PHF2: variants seen among roughly 807,000 people sequenced by gnomAD.
PHF2 encodes PHD finger protein 2.
Under a neutral mutation model 120.5 loss-of-function variants are expected in PHF2, and 27 were observed. The ratio of observed to expected loss-of-function variants is 0.22; its 90% CI spans 0.17 to 0.31. PHF2 has a LOEUF of 0.31. Among genes scored for constraint, PHF2 ranks in the 10% least tolerant of loss-of-function variants. PHF2 has a pLI of 1.00. For missense variants in PHF2, 1,024 were observed against 1,434.8 expected (o/e 0.71, Z 4.63); for synonymous variants, 568 against 592.5 (o/e 0.96, Z 0.60).
Position 93,677,028 on chromosome 9 carries a change from G to A in PHF2, c.3202+65G>A. 2.1e-6 allele frequency: 3 copies of A among 1,442,824 alleles called. No homozygotes were observed. The South Asian group carries it at 4.4e-5, about 21-fold the overall frequency. The allele number at this position is 1,442,824 out of a possible 1,614,324, so 89.4% of individuals were successfully genotyped here. A position where few individuals can be genotyped will look rare whatever the true frequency, so the allele number is the denominator to read the frequency against. ...CTGCCTGCCCCCATGGGCAGCCCCA[G>A]ACATGCAGACTCGGCCCATGGTAGA... On this transcript the variant is annotated intron_variant, in intron 21 of 21. Coordinates refer to ENST00000359246, the MANE Select transcript of PHF2 (RefSeq NM_005392.4). The surrounding 1 kb of genome is among the most constrained non-coding windows in gnomAD (Gnocchi z 4.4).
chr9:93,598,069 T>C (rs1015504612), intron 1 of PHF2, among the ~76,000 whole-genome samples: 12 of 152,262 alleles, frequency 7.9e-5, no homozygotes, highest in African/African-American at 2.6e-4. Context: ...TTGTTCTGGC[T>C]GAATGGTCCC....
At chr9:93,655,143 G>A (rs78522617) in intron 7 of PHF2, among the ~76,000 whole-genome samples, 2,246 of 152,222 alleles carry the variant, frequency 0.015, 45 homozygotes, top group African/African-American at 0.048. Flanking sequence ...TTTCTGAAGG[G>A]CTTCCTTTCC....
In PHF2 at chr9:93,673,808, GACT is replaced by G. The variant is rs777572332; in HGVS notation, c.2575_2577del (p.Tyr859del). 6.2e-7 allele frequency: 1 copy of G among 1,610,962 alleles called. No individual in the cohort carries two copies. Among genetic ancestry groups the G allele is most frequent in the Non-Finnish European group, 8.5e-7 (1 of 1,177,814 alleles). On this transcript the variant is annotated inframe_deletion, in exon 18 of 22. Transcript: ENST00000359246. ...TGCCAAGAACAGTGTCGACCTGGAC[GACT>G]ACGAGGAAGAGCAGGACCACCTGGA...
intron 1 of PHF2, among the ~76,000 whole-genome samples, chr9:93,589,693 C>T (rs997318220): frequency 6.6e-6 from 1 of 152,182 alleles, no homozygotes; most frequent in Non-Finnish European, 1.5e-5. Context: ...GCAAACAGAA[C>T]ATTAGCACAT....
chr9:93,633,606 C>T lies in PHF2; in HGVS notation c.185-2805C>T, dbSNP rs529938739. On this transcript the variant is annotated intron_variant, in intron 2 of 21. Transcript: ENST00000359246. Reference sequence around the variant, plus strand: ...CTGGTGCAGCAGGAGGGGCAGTAGACCTCCTTGCCCCTCTGTGTACCTTTG... The same window carrying T: ...CTGGTGCAGCAGGAGGGGCAGTAGATCTCCTTGCCCCTCTGTGTACCTTTG... Among the ~76,000 whole-genome samples the T allele has an allele frequency of 7.2e-4, 109 of 152,308 alleles. 1 individual carries two copies. Among genetic ancestry groups the T allele is most frequent in the Middle Eastern group, 6.8e-3 (2 of 294 alleles).
intron 1 of PHF2, among the ~76,000 whole-genome samples, chr9:93,595,473 A>T (rs1825314349): frequency 6.6e-6 from 1 of 152,222 alleles, no homozygotes; most frequent in Admixed American, 6.5e-5. Context: ...ATATAATGTA[A>T]ACCTGAAGAA....
chr9:93,609,538 C>T (rs190271256), intron 1 of PHF2, among the ~76,000 whole-genome samples: 3 of 150,806 alleles, frequency 2.0e-5, no homozygotes, highest in East Asian at 1.9e-4. Context: ...TTGCTGGATA[C>T]AGAATTCTAG....
chr9:93,645,886 C>G (rs1355583961), intron 4 of PHF2, 97 bp downstream of exon 4: 1 of 1,365,660 alleles, frequency 7.3e-7, no homozygotes, highest in Non-Finnish European at 9.8e-7. Flanking sequence ...CTGGCTGTGT[C>G]CATGTGTGCC....
rs143967666 is a variant in PHF2, at chr9:93,611,096, A to G, written c.99-18874A>G. Reference sequence around the variant, plus strand: ...CATCCCTTTTTTTGACTTGCATTCTATACAGATTTATTTTTGAGAGTCAGA... The same window carrying G: ...CATCCCTTTTTTTGACTTGCATTCTGTACAGATTTATTTTTGAGAGTCAGA... On this transcript the variant is annotated intron_variant, in intron 1 of 21. Transcript: ENST00000359246. Among the ~76,000 whole-genome samples, 17 of 152,208 alleles carry G rather than the reference A, an allele frequency of 1.1e-4. 1 individual carries two copies. In the East Asian group the frequency reaches 2.9e-3, roughly 26 times the overall value.
Position 93,576,885 on chromosome 9 carries a change from G to A in PHF2, c.98+14G>A, listed in dbSNP as rs1319052650. On this transcript the variant is annotated intron_variant, in intron 1 of 21. Coordinates refer to ENST00000359246, the MANE Select transcript of PHF2 (RefSeq NM_005392.4). ...GTTCCACGGCAGGTGAGCGCGCGGC[G>A]GCTGCTCGGCTCGGCCCGGCCCGGC... 8.4e-7 allele frequency: 1 copy of A among 1,185,560 alleles called. No homozygotes were observed. Among genetic ancestry groups the A allele is most frequent in the Non-Finnish European group, 1.1e-6 (1 of 920,994 alleles). The allele number at this position is 1,185,560 out of a possible 1,614,324, so 73.4% of individuals were successfully genotyped here. A position where few individuals can be genotyped will look rare whatever the true frequency, so the allele number is the denominator to read the frequency against.
chr9:93,636,568 G>C, intron 3 of PHF2, 43 bp downstream of exon 3: 1 of 1,313,310 alleles, frequency 7.6e-7, no homozygotes, highest in Non-Finnish European at 1.1e-6. Flanking sequence ...GCAGCCAGGG[G>C]ATGCACACTC....
intron 1 of PHF2, among the ~76,000 whole-genome samples, chr9:93,596,753 TTTTTTTG>T (rs1297626654): frequency 6.6e-6 from 1 of 151,792 alleles, no homozygotes; most frequent in Non-Finnish European, 1.5e-5. Context: ...TGCCGTTTTT[TTTTTTTG>T]TTTTTTGTTT....
rs558286243 is a variant in PHF2 at position 93,632,537 on chromosome 9, T to C, written c.184+2482T>C. Reference sequence around the variant, plus strand: ...GCTGATTCAGTGTGTGGTGAGGGCCTGCTTCTGGTTCATAGACAGTGCCCT... The same window carrying C: ...GCTGATTCAGTGTGTGGTGAGGGCCCGCTTCTGGTTCATAGACAGTGCCCT... On this transcript the variant is annotated intron_variant, in intron 2 of 21. Transcript: ENST00000359246. Among the ~76,000 whole-genome samples, 32 of 152,298 alleles carry C rather than the reference T, an allele frequency of 2.1e-4. No individual in the cohort carries two copies. The South Asian group carries it at 6.6e-3, about 32-fold the overall frequency.
At chr9:93,632,972 C>T (rs1264155994) in intron 2 of PHF2, among the ~76,000 whole-genome samples, 1 of 152,122 alleles carries the variant, frequency 6.6e-6, no homozygotes, top group East Asian at 1.9e-4. Flanking sequence ...TGCATTTACT[C>T]CAGGCACGCC....
chr9:93,656,505 A>G lies in PHF2; in HGVS notation c.1057A>G (p.Arg353Gly). The G allele has an allele frequency of 6.2e-7, 1 of 1,613,430 alleles. No homozygotes were observed. The highest frequency in any genetic ancestry group is 8.5e-7 in the Non-Finnish European group (1 of 1,179,520). Residue 353 changes from arginine to glycine, a missense_variant, in exon 9 of 22, where the codon AGG becomes GGG. Around this residue, in one of 2 missense-constraint regions of PHF2, gnomAD observed 347 missense variants for 577.4 expected, o/e 0.60. Coordinates refer to ENST00000359246, the MANE Select transcript of PHF2 (RefSeq NM_005392.4). The surrounding 1 kb of genome is among the most constrained non-coding windows in gnomAD (Gnocchi z 4.1). ...GGCTTCTAGAGCATATGAAGTGGAA[A>G]GGAGGTTGAAACTGGGCAGCCTGAC... ...EMQMRAYEVERRLKLGSLTQF... is the reference protein window; with the variant it reads ...EMQMRAYEVEGRLKLGSLTQF...
At chr9:93,619,119 G>A (rs902957045) in intron 1 of PHF2, among the ~76,000 whole-genome samples, 7 of 151,958 alleles carry the variant, frequency 4.6e-5, no homozygotes, top group Admixed American at 1.3e-4. Context: ...TGGCTCAGGC[G>A]GATGTTCTCC....
intron 14 of PHF2, among the ~76,000 whole-genome samples, chr9:93,664,667 G>C (rs1270622395): frequency 6.6e-6 from 1 of 152,228 alleles, no homozygotes; most frequent in Non-Finnish European, 1.5e-5. Flanking sequence ...GCAGGTCTGC[G>C]GGGTCCTGTG....
chr9:93,576,969 C>T (rs1587654478), intron 1 of PHF2, 98 bp downstream of exon 1: 3 of 377,452 alleles, frequency 7.9e-6, no homozygotes, highest in South Asian at 2.0e-4. Flanking sequence ...AGGCCCGGCT[C>T]GGGGACGGGC....
rs544456736 is a variant in PHF2, at chr9:93,679,397, TTC to T, written c.*1733_*1734del. The stretch of plus-strand genomic sequence containing the variant: ...ATAATCTAACCTGGACATCAAGCTG[TTC>T]TCTCTCTCTCTTTTTTTTAATTTTA... On this transcript the variant is annotated 3_prime_UTR_variant, in exon 22 of 22. Transcript: ENST00000359246. The T allele has an allele frequency of 5.4e-5, 19 of 353,058 alleles. No individual in the cohort carries two copies. The highest frequency in any genetic ancestry group is 1.4e-4 in the South Asian group (7 of 48,862). The allele number at this position is 353,058 out of a possible 1,614,324, so 21.9% of individuals were successfully genotyped here.
Sources: gnomAD v4.1 joint callset for allele counts (sites outside exome capture counted in the v4.1 genomes callset) on GRCh38, gnomAD v4.1.1 for gene constraint, gnomAD v4.1.1 regional missense constraint, Gnocchi (gnomAD v3.1) non-coding constraint, MANE v1.5 for transcripts, NCBI Gene and HGNC (gene_info 2026-07-23, HGNC 2026-07-21) for gene names.